Variants in RPRD1B observed in about 807,000 individuals in gnomAD.
RPRD1B encodes regulation of nuclear pre-mRNA domain containing 1B, also known as regulation of nuclear pre-mRNA domain-containing protein 1B.
RPRD1B carries 11 observed loss-of-function variants against 41.5 expected under a neutral mutation model. That is an observed-to-expected ratio of 0.27 (90% CI 0.17 to 0.44). The LOEUF (loss-of-function observed/expected upper bound fraction) is 0.44. Among genes scored for constraint, RPRD1B ranks in the 20% least tolerant of loss-of-function variants. The pLI is 1.00. For missense variants in RPRD1B, 248 were observed against 389.9 expected (o/e 0.64, Z 3.06); for synonymous variants, 158 against 155.6 (o/e 1.02, Z -0.12).
intron 5 of RPRD1B, among the ~76,000 whole-genome samples, chr20:38,065,632 G>A (rs1466319547): frequency 6.6e-6 from 1 of 151,968 alleles, no homozygotes; most frequent in African/African-American, 2.4e-5. Context: ...TTGGTTTGTG[G>A]GGTTTTTTGG....
At position 38,090,988 on chromosome 20, in the gene RPRD1B, G is replaced by A. The variant is rs2074607495; in HGVS notation, c.*1113G>A. On this transcript the variant is annotated 3_prime_UTR_variant, in exon 7 of 7. Transcript: ENST00000373433. The stretch of plus-strand genomic sequence containing the variant: ...TAGCTCGTCTCGGGCAGGGGAAGCG[G>A]GGAGTTGGGGATATTAATTGGGGGT... 1.0e-6 allele frequency: 1 copy of A among 985,504 alleles called. No homozygotes were observed. 61.0% of individuals were successfully genotyped at this position (985,504 alleles called of 1,614,324 possible).
At chr20:38,048,317 T>TTA in intron 2 of RPRD1B, 31 bp from the exon 3 acceptor site, 2 of 1,593,004 alleles carry the variant, frequency 1.3e-6, no homozygotes, top group Non-Finnish European at 1.7e-6. Context: ...AATCTTAAGC[T>TTA]TATATATATC....
chr20:38,068,410 T>C (rs921975989), intron 6 of RPRD1B, among the ~76,000 whole-genome samples: 3 of 152,216 alleles, frequency 2.0e-5, no homozygotes, highest in African/African-American at 7.2e-5. Context: ...GGTTTTTTTC[T>C]GAGATGGAGT....
At position 38,091,957 on chromosome 20, in the gene RPRD1B, A is replaced by G. The variant is rs2074615350; in HGVS notation, c.*2082A>G. 2 of 985,708 alleles carry G rather than the reference A, an allele frequency of 2.0e-6. No individual in the cohort carries two copies. The highest frequency in any genetic ancestry group is 3.5e-5 in the African/African-American group (2 of 57,230). The allele number at this position is 985,708 out of a possible 1,614,324, so 61.1% of individuals were successfully genotyped here. Reference sequence around the variant, plus strand: ...GTTACTAGTGGACTTCCTGTGAGGAAGTTAGTTTTTTGTTTTGATGAAATG... The same window carrying G: ...GTTACTAGTGGACTTCCTGTGAGGAGGTTAGTTTTTTGTTTTGATGAAATG... On this transcript the variant is annotated 3_prime_UTR_variant, in exon 7 of 7. Coordinates refer to ENST00000373433, the MANE Select transcript of RPRD1B (RefSeq NM_021215.4).
rs919855618 is a variant in RPRD1B at position 38,090,415 on chromosome 20, C to G, written c.*540C>G. 1 of 985,976 alleles carries G rather than the reference C, an allele frequency of 1.0e-6. No homozygotes were observed. The highest frequency in any genetic ancestry group is 1.7e-5 in the African/African-American group (1 of 57,230). The allele number at this position is 985,976 out of a possible 1,614,324, so 61.1% of individuals were successfully genotyped here. On this transcript the variant is annotated 3_prime_UTR_variant, in exon 7 of 7. Transcript: ENST00000373433. ...AAGAGTTTGCCAAATCTCTGATCCT[C>G]CCTTTCCATTGCTTCTCCTAGTGAT... is the stretch of plus-strand genomic sequence containing the variant.
intron 5 of RPRD1B, among the ~76,000 whole-genome samples, chr20:38,064,131 G>C (rs1384571131): frequency 6.6e-6 from 1 of 152,178 alleles, no homozygotes; most frequent in Non-Finnish European, 1.5e-5. Flanking sequence ...TGAGCAGGAA[G>C]GAGAAGTTGG....
chr20:38,060,410 C>G (rs1438500058), intron 5 of RPRD1B, among the ~76,000 whole-genome samples: 1 of 152,196 alleles, frequency 6.6e-6, no homozygotes, highest in African/African-American at 2.4e-5. Flanking sequence ...AAATATTTCC[C>G]TCAACAAATA....
intron 4 of RPRD1B, 46 bp downstream of exon 4, chr20:38,057,690 C>CCT: frequency 7.4e-7 from 1 of 1,354,350 alleles, no homozygotes; most frequent in Non-Finnish European, 1.1e-6. Context: ...CTTAAAGTGA[C>CCT]CTCTAGTTGA....
intron 5 of RPRD1B, among the ~76,000 whole-genome samples, chr20:38,063,870 A>G (rs2074326442): frequency 6.6e-6 from 1 of 151,992 alleles, no homozygotes; most frequent in Non-Finnish European, 1.5e-5. Context: ...TATTTGTATA[A>G]CTCACTAAAC....
At chr20:38,066,957 T>C (rs2074364262) in intron 6 of RPRD1B, among the ~76,000 whole-genome samples, 1 of 152,146 alleles carries the variant, frequency 6.6e-6, no homozygotes, top group Non-Finnish European at 1.5e-5. Context: ...GCCCAGCCGT[T>C]TGGAGGTTTA....
At chr20:38,065,699 T>C (rs958684748) in intron 5 of RPRD1B, among the ~76,000 whole-genome samples, 5 of 152,226 alleles carry the variant, frequency 3.3e-5, no homozygotes, top group African/African-American at 4.8e-5. Context: ...CCCACAGATA[T>C]AGGGGCCAAC....
chr20:38,046,163 A>G (rs2074118871), intron 2 of RPRD1B, among the ~76,000 whole-genome samples: 1 of 152,190 alleles, frequency 6.6e-6, no homozygotes, highest in Admixed American at 6.5e-5. Flanking sequence ...GTGTTGCTGG[A>G]ATGCAAAGTT....
At chr20:38,083,558 G>A (rs942630092) in intron 6 of RPRD1B, among the ~76,000 whole-genome samples, 2 of 152,118 alleles carry the variant, frequency 1.3e-5, no homozygotes, top group Non-Finnish European at 2.9e-5. Context: ...TTTGTGTAGA[G>A]GAGCCTCTGG....
intron 6 of RPRD1B, among the ~76,000 whole-genome samples, chr20:38,069,544 A>C (rs1358086858): frequency 6.6e-6 from 1 of 152,244 alleles, no homozygotes; most frequent in African/African-American, 2.4e-5. Context: ...GAGGTGCTGC[A>C]GACCACCAGT....
intron 2 of RPRD1B, among the ~76,000 whole-genome samples, chr20:38,047,602 C>A (rs929254994): frequency 6.6e-6 from 1 of 152,102 alleles, no homozygotes; most frequent in Non-Finnish European, 1.5e-5. Context: ...ACCCAATCTT[C>A]TGCTTGCTGT....
At chr20:38,046,830 C>A (rs1371630398) in intron 2 of RPRD1B, among the ~76,000 whole-genome samples, 1 of 152,020 alleles carries the variant, frequency 6.6e-6, no homozygotes, top group Non-Finnish European at 1.5e-5. Flanking sequence ...TTGGGAAAGG[C>A]CTTGGAGTCT....
At chr20:38,087,093 G>T in intron 6 of RPRD1B, among the ~76,000 whole-genome samples, 1 of 151,980 alleles carries the variant, frequency 6.6e-6, no homozygotes, top group East Asian at 1.9e-4. Flanking sequence ...GAGTAGCTGC[G>T]ATTAACAGGC....
At chr20:38,084,222 T>C (rs1398053426) in intron 6 of RPRD1B, among the ~76,000 whole-genome samples, 1 of 152,078 alleles carries the variant, frequency 6.6e-6, no homozygotes, top group Non-Finnish European at 1.5e-5. Flanking sequence ...TATGAAGCAG[T>C]CCTTTGACTT....
At chr20:38,041,153 TAA>T (rs11468171) in intron 2 of RPRD1B, among the ~76,000 whole-genome samples, 36,912 of 152,084 alleles carry the variant, frequency 0.24, 5,586 homozygotes, top group African/African-American at 0.44. Flanking sequence ...TACATTGGAT[TAA>T]AAGTTTTATA....
Sources: gnomAD v4.1 joint callset for allele counts (sites outside exome capture counted in the v4.1 genomes callset) on GRCh38, gnomAD v4.1.1 for gene constraint, MANE v1.5 for transcripts, NCBI Gene and HGNC (gene_info 2026-07-23, HGNC 2026-07-21) for gene names.